The following GLP2R variants were observed in gnomAD, a reference collection of about 807,000 sequenced individuals.
GLP2R encodes the protein glucagon-like peptide 2 receptor.
GLP2R carries 59 observed loss-of-function variants against 68.2 expected under a neutral mutation model. The ratio of observed to expected loss-of-function variants is 0.87; its 90% CI spans 0.70 to 1.07. GLP2R has a LOEUF of 1.07. Among genes scored for constraint, GLP2R ranks in the 50% least tolerant of loss-of-function variants. The pLI is 0.00. For missense variants in GLP2R, 548 were observed against 677.4 expected (o/e 0.81, Z 2.12); for synonymous variants, 270 against 265.4 (o/e 1.02, Z -0.17).
chr17:9,825,984 G>T lies in GLP2R; in HGVS notation c.-80G>T. ...AAACATTTCCTCTGTGGACCAAGAG[G>T]AATGCAAGAGGAGGCTGCCTGCGGT... On this transcript the variant is annotated 5_prime_UTR_variant, in exon 1 of 13. Transcript: ENST00000262441. 8.8e-7 allele frequency: 1 copy of T among 1,137,006 alleles called. No homozygotes were observed. The highest frequency in any genetic ancestry group is 2.5e-5 in the East Asian group (1 of 39,858). 70.4% of individuals were successfully genotyped at this position (1,137,006 alleles called of 1,614,324 possible). A position where few individuals can be genotyped will look rare whatever the true frequency, so the allele number is the denominator to read the frequency against.
At chr17:9,862,150 C>T (rs371544939) in intron 9 of GLP2R, 60 bp downstream of exon 9, 28 of 1,227,434 alleles carry the variant, frequency 2.3e-5, no homozygotes, top group African/African-American at 5.9e-5. Flanking sequence ...GGAATCCCCC[C>T]GCCCCACCCG....
intron 3 of GLP2R, 63 bp downstream of exon 3, chr17:9,836,538 C>A: frequency 2.3e-6 from 2 of 878,380 alleles, no homozygotes; most frequent in South Asian, 1.3e-5. Context: ...CCTCTTCCCC[C>A]ACAAACAGTC....
chr17:9,866,843 C>T (rs1375957995), intron 9 of GLP2R: 1 of 152,166 alleles, frequency 6.6e-6, no homozygotes, highest in African/African-American at 2.4e-5. Flanking sequence ...ATAGACATAA[C>T]CCCAACTCTA....
intron 12 of GLP2R, among the ~76,000 whole-genome samples, chr17:9,888,936 A>C (rs1339225911): frequency 6.6e-6 from 1 of 152,090 alleles, no homozygotes; most frequent in East Asian, 1.9e-4. Context: ...CCCTACTACA[A>C]GTGTAAATAT....
chr17:9,880,570 G>A, intron 11 of GLP2R, 54 bp downstream of exon 11: 5 of 1,294,502 alleles, frequency 3.9e-6, no homozygotes, highest in South Asian at 2.9e-5. Flanking sequence ...CAAAATGCAT[G>A]TGGCCGAAAC....
At chr17:9,857,670 G>T in intron 6 of GLP2R, 94 bp downstream of exon 6, 1 of 1,226,848 alleles carries the variant, frequency 8.2e-7, no homozygotes, top group Non-Finnish European at 1.2e-6. Context: ...GGGAGGGGCA[G>T]CGGGAGATAA....
chr17:9,885,741 A>G (rs958990145), intron 11 of GLP2R, among the ~76,000 whole-genome samples: 2 of 82,462 alleles, frequency 2.4e-5, no homozygotes, highest in Non-Finnish European at 6.2e-5. Context: ...TTGTATCAGT[A>G]AAAAAAGGAG....
intron 4 of GLP2R, chr17:9,853,163 A>G: frequency 2.3e-6 from 1 of 431,158 alleles, no homozygotes; most frequent in Non-Finnish European, 4.3e-6. Flanking sequence ...ACCAGCCCTC[A>G]AACTGACAAT....
At chr17:9,861,418 A>G (rs1214186991) in intron 8 of GLP2R, among the ~76,000 whole-genome samples, 1 of 152,228 alleles carries the variant, frequency 6.6e-6, no homozygotes, top group Non-Finnish European at 1.5e-5. Context: ...GATGCTGTAT[A>G]GGTTAGCTGC....
intron 9 of GLP2R, among the ~76,000 whole-genome samples, chr17:9,865,250 C>A (rs1470662811): frequency 1.3e-5 from 2 of 152,172 alleles, no homozygotes; most frequent in African/African-American, 2.4e-5. Flanking sequence ...TTCTAAAGAT[C>A]TCTCCAAGCC....
At chr17:9,876,630 T>C (rs2067144491) in intron 10 of GLP2R, among the ~76,000 whole-genome samples, 1 of 152,188 alleles carries the variant, frequency 6.6e-6, no homozygotes, top group South Asian at 2.1e-4. Context: ...CCTTCCTAGG[T>C]TTCATGACCT....
chr17:9,873,646 A>G (rs1351281050), intron 10 of GLP2R, among the ~76,000 whole-genome samples: 3 of 141,012 alleles, frequency 2.1e-5, no homozygotes, highest in Non-Finnish European at 3.0e-5. Flanking sequence ...TCTTCTTCCA[A>G]CGGGGCTCAG....
chr17:9,881,378 C>CTTTTTTTTTTTTTTTTT (rs35526930), intron 11 of GLP2R, among the ~76,000 whole-genome samples: 1 of 95,644 alleles, frequency 1.0e-5, no homozygotes. Flanking sequence ...GCTGTCAGGC[C>CTTTTTTTTTTTTTTTTT]TTTTTTTTTT....
intron 3 of GLP2R, among the ~76,000 whole-genome samples, chr17:9,839,700 T>C (rs1306066022): frequency 1.3e-5 from 2 of 152,192 alleles, no homozygotes; most frequent in Non-Finnish European, 2.9e-5. Context: ...CAAGACCTCC[T>C]GCTGCCTGGC....
At chr17:9,846,548 G>T (rs946952843) in intron 4 of GLP2R, among the ~76,000 whole-genome samples, 12 of 152,190 alleles carry the variant, frequency 7.9e-5, no homozygotes, top group African/African-American at 2.9e-4. Flanking sequence ...AGCCCCAGGA[G>T]GTTGAGACTG....
In GLP2R at chr17:9,889,538, A is replaced by T. The variant is rs149726996; in HGVS notation, c.1495A>T (p.Ser499Cys). ...KLRKLQPSLN[S>C]GRLLHLAMRG... ...TCGGAAGCTGCAGCCCTCACTTAAC[A>T]GTGGGCGGCTCCTACATCTAGCCAT... Residue 499 changes from serine (S) to cysteine (C), a missense_variant, in exon 13 of 13, where the codon AGT becomes TGT. By Grantham distance (112) the Ser-to-Cys change is moderately radical. Coordinates refer to ENST00000262441, the MANE Select transcript of GLP2R (RefSeq NM_004246.3). 1 of 1,614,212 alleles carries T rather than the reference A, an allele frequency of 6.2e-7. No individual in the cohort carries two copies. Among genetic ancestry groups the T allele is most frequent in the Non-Finnish European group, 8.5e-7 (1 of 1,180,016 alleles).
intron 10 of GLP2R, among the ~76,000 whole-genome samples, chr17:9,873,943 T>C (rs1195820182): frequency 6.6e-6 from 1 of 152,108 alleles, no homozygotes; most frequent in Non-Finnish European, 1.5e-5. Context: ...CAGAGTCCCC[T>C]CTAGAGTTTT....
At chr17:9,829,244 A>G (rs1373234309) in intron 1 of GLP2R, among the ~76,000 whole-genome samples, 9 of 152,198 alleles carry the variant, frequency 5.9e-5, no homozygotes, top group African/African-American at 1.9e-4. Flanking sequence ...TAAACTATCT[A>G]AGGATTTTTG....
intron 4 of GLP2R, among the ~76,000 whole-genome samples, chr17:9,850,856 G>A (rs1465315939): frequency 6.6e-6 from 1 of 152,008 alleles, no homozygotes. Context: ...ACCATGCCCA[G>A]CTAATTTTTG....
Sources: gnomAD v4.1 joint callset for allele counts (sites outside exome capture counted in the v4.1 genomes callset) on GRCh38, gnomAD v4.1.1 for gene constraint, MANE v1.5 for transcripts, NCBI Gene and HGNC (gene_info 2026-07-23, HGNC 2026-07-21) for gene names.